MYO6: variants seen among roughly 807,000 people sequenced by gnomAD.
MYO6 encodes unconventional myosin-VI.
In MYO6, 74 loss-of-function variants were observed where a neutral mutation model predicts 178.7. The ratio of observed to expected loss-of-function variants is 0.41; its 90% CI spans 0.34 to 0.50. The LOEUF is 0.50. Among genes scored for constraint, MYO6 ranks in the 20% least tolerant of loss-of-function variants. The pLI is 0.09. For missense variants in MYO6, 1,330 were observed against 1,547.4 expected (o/e 0.86, Z 2.36); for synonymous variants, 477 against 504.6 (o/e 0.95, Z 0.73).
chr6:75,752,652 T>C (rs1013564702), intron 1 of MYO6, among the ~76,000 whole-genome samples: 2 of 152,220 alleles, frequency 1.3e-5, no homozygotes, highest in Admixed American at 6.5e-5. Flanking sequence ...GACAAAAGCA[T>C]CCAGGAGTAG....
chr6:75,909,434 G>A (rs1219140305), intron 32 of MYO6, among the ~76,000 whole-genome samples: 1 of 152,166 alleles, frequency 6.6e-6, no homozygotes, highest in Non-Finnish European at 1.5e-5. Context: ...ATAAAAGTGA[G>A]AAATATTACC....
chr6:75,782,780 TTCTC>T (rs1205930701), intron 1 of MYO6, among the ~76,000 whole-genome samples: 1 of 152,178 alleles, frequency 6.6e-6, no homozygotes, highest in Admixed American at 6.5e-5. Context: ...TGAAAACAAA[TTCTC>T]TCTGTCTGGC....
Position 75,866,920 on chromosome 6 carries a change from T to C in MYO6, c.1771-12T>C. ...GATGGACAGAAACATTCCTGTTTGATTTATTTTTCAGACCCAGTTTGTGGA... is the reference window on the plus strand; with the variant it reads ...GATGGACAGAAACATTCCTGTTTGACTTATTTTTCAGACCCAGTTTGTGGA... On this transcript the variant is annotated splice_polypyrimidine_tract_variant and intron_variant, in intron 17 of 34. Coordinates refer to ENST00000369977, the MANE Select transcript of MYO6 (RefSeq NM_004999.4). 6.2e-7 allele frequency: 1 copy of C among 1,613,374 alleles called. No individual in the cohort carries two copies. Among genetic ancestry groups the C allele is most frequent in the Non-Finnish European group, 8.5e-7 (1 of 1,179,446 alleles).
In MYO6 at chr6:75,860,342, G is replaced by A. The variant is rs766835308; in HGVS notation, c.1474-681G>A. Among the ~76,000 whole-genome samples, 99 of 152,232 alleles carry A rather than the reference G, an allele frequency of 6.5e-4. 1 individual carries two copies. The highest frequency in any genetic ancestry group is 9.1e-4 in the Non-Finnish European group (62 of 68,004). On this transcript the variant is annotated intron_variant, in intron 14 of 34. Transcript: ENST00000369977. ...CCAGTAAGATAATTTCTCTGAAAACGTTTATCCAGTCACATTAGTTCTATT... is the reference window on the plus strand; with the variant it reads ...CCAGTAAGATAATTTCTCTGAAAACATTTATCCAGTCACATTAGTTCTATT...
chr6:75,795,409 A>C (rs956662898), intron 1 of MYO6, among the ~76,000 whole-genome samples: 2 of 152,152 alleles, frequency 1.3e-5, no homozygotes, highest in African/African-American at 4.8e-5. Context: ...AGGTGTATGG[A>C]GCTTTGGATC....
At chr6:75,846,405 A>G (rs1774732935) in intron 10 of MYO6, among the ~76,000 whole-genome samples, 1 of 152,058 alleles carries the variant, frequency 6.6e-6, no homozygotes, top group African/African-American at 2.4e-5. Flanking sequence ...GAATGAGATG[A>G]TTTATATTTT....
At chr6:75,890,381 CTG>C in intron 26 of MYO6, 116 bp downstream of exon 26, 1 of 1,449,058 alleles carries the variant, frequency 6.9e-7, no homozygotes, top group African/African-American at 1.4e-5. Context: ...GGGTCTTGCT[CTG>C]TTGCCCAGGC....
At chr6:75,904,385 C>G (rs1780091770) in intron 30 of MYO6, among the ~76,000 whole-genome samples, 2 of 151,668 alleles carry the variant, frequency 1.3e-5, no homozygotes, top group Non-Finnish European at 2.9e-5. Flanking sequence ...TAGATTTGGT[C>G]TTTTCACATA....
At chr6:75,891,179 A>G (rs1230440496) in intron 26 of MYO6, 49 bp from the exon 27 acceptor site, 1 of 1,295,972 alleles carries the variant, frequency 7.7e-7, no homozygotes. Flanking sequence ...CTTCTGAAGG[A>G]TTCTTTATTT....
chr6:75,868,307 CT>C (rs991020952), intron 18 of MYO6, among the ~76,000 whole-genome samples: 2 of 151,420 alleles, frequency 1.3e-5, no homozygotes, highest in Non-Finnish European at 3.0e-5. Flanking sequence ...AGTGAACAAT[CT>C]TTTTTTTATT....
rs1198707696 is a variant in MYO6, at chr6:75,778,253, A to G, written c.-48+28830A>G. Among the ~76,000 whole-genome samples, 3 of 152,168 alleles carry G rather than the reference A, an allele frequency of 2.0e-5. No homozygotes were observed. In the East Asian group the frequency reaches 5.8e-4, roughly 29 times the overall value. On this transcript the variant is annotated intron_variant, in intron 1 of 34. Coordinates refer to ENST00000369977, the MANE Select transcript of MYO6 (RefSeq NM_004999.4). ...AATTGCTTTATGGTATTTTGTTTAT[A>G]TATATGTCTTGTATTGGCTTAGTGA...
intron 3 of MYO6, among the ~76,000 whole-genome samples, chr6:75,824,734 A>G (rs560564962): frequency 1.6e-4 from 24 of 152,070 alleles, no homozygotes; most frequent in African/African-American, 5.1e-4. Context: ...ACAGTGTAGC[A>G]ACACTTATTA....
Position 75,866,525 on chromosome 6 carries a change from G to C in MYO6, c.1675-1G>C. ...TAACTCATATATGTATTGTTTTTCA[G>C]ATTCCCAGAAAATCTAAGCTGGCAG... On this transcript the variant is annotated splice_acceptor_variant, in intron 16 of 34. Coordinates refer to ENST00000369977, the MANE Select transcript of MYO6 (RefSeq NM_004999.4). LOFTEE classifies it high-confidence loss of function. 1 of 1,610,490 alleles carries C rather than the reference G, an allele frequency of 6.2e-7. No homozygotes were observed. Among genetic ancestry groups the C allele is most frequent in the Non-Finnish European group, 8.5e-7 (1 of 1,176,802 alleles).
intron 26 of MYO6, among the ~76,000 whole-genome samples, chr6:75,890,492 G>A (rs949886633): frequency 6.6e-6 from 1 of 151,950 alleles, no homozygotes; most frequent in Non-Finnish European, 1.5e-5. Flanking sequence ...TTACAGGTGC[G>A]CACCACCACG....
At chr6:75,849,065 ATGAACAGTAGGACTT>A (rs1775009368) in intron 11 of MYO6, among the ~76,000 whole-genome samples, 1 of 152,226 alleles carries the variant, frequency 6.6e-6, no homozygotes. Flanking sequence ...CAGTCTGTAC[ATGAACAGTAGGACTT>A]TGCATAATTC....
intron 30 of MYO6, among the ~76,000 whole-genome samples, chr6:75,903,193 G>C (rs911267380): frequency 3.3e-5 from 5 of 151,804 alleles, no homozygotes; most frequent in African/African-American, 1.2e-4. Flanking sequence ...TGAAAAAAAT[G>C]TATATTCTGT....
chr6:75,861,042 A>G lies in MYO6; in HGVS notation c.1493A>G (p.Lys498Arg), dbSNP rs1776166611. ...ILKEEQELYQ[K>R]EGLGVNEVHY... ...TTTTAGGAACAAGAACTCTATCAAAAAGAAGGTTTAGGTGTTAATGAAGTG... is the reference window on the plus strand; with the variant it reads ...TTTTAGGAACAAGAACTCTATCAAAGAGAAGGTTTAGGTGTTAATGAAGTG... Residue 498 changes from lysine (K) to arginine (R), a missense_variant, in exon 15 of 35, where the codon AAA (lysine) becomes AGA (arginine). By Grantham distance (26) the Lys-to-Arg change is conservative. This residue lies in a region of MYO6 where 613 missense variants were observed against 816.8 expected (regional missense o/e 0.75). Coordinates refer to ENST00000369977, the MANE Select transcript of MYO6 (RefSeq NM_004999.4). 6.2e-7 allele frequency: 1 copy of G among 1,607,122 alleles called. No homozygotes were observed. Among genetic ancestry groups the G allele is most frequent in the Non-Finnish European group, 8.5e-7 (1 of 1,174,058 alleles).
chr6:75,840,956 C>A (rs1583243601), intron 8 of MYO6, among the ~76,000 whole-genome samples: 1 of 152,212 alleles, frequency 6.6e-6, no homozygotes. Context: ...GGTGCAAGGT[C>A]AATTGTGATT....
intron 25 of MYO6, among the ~76,000 whole-genome samples, chr6:75,887,458 A>G (rs1778529328): frequency 6.6e-6 from 1 of 151,736 alleles, no homozygotes; most frequent in Non-Finnish European, 1.5e-5. Context: ...CATGGCCAAC[A>G]TGGTGAAACC....
Sources: allele counts gnomAD v4.1 joint callset (sites outside exome capture counted in the v4.1 genomes callset), GRCh38; gene constraint gnomAD v4.1.1; regional missense constraint gnomAD v4.1.1; transcripts MANE v1.5; gene names NCBI Gene and HGNC (gene_info 2026-07-23, HGNC 2026-07-21).